Variants in RBMS1 observed in about 807,000 individuals in gnomAD.
The protein encoded by RBMS1 is RNA-binding motif, single-stranded-interacting protein 1.
RBMS1 carries 17 observed loss-of-function variants against 62.3 expected under a neutral mutation model. The ratio of observed to expected loss-of-function variants is 0.27; its 90% CI spans 0.19 to 0.41. The LOEUF is 0.41. Ranked by LOEUF, RBMS1 falls within the 10% of genes least tolerant of loss-of-function variation. RBMS1 has a pLI of 1.00. For missense variants in RBMS1, 334 were observed against 504.5 expected (o/e 0.66, Z 3.24); for synonymous variants, 172 against 170.0 (o/e 1.01, Z -0.09).
chr2:160,447,462 T>A (rs1438214410), intron 1 of RBMS1, among the ~76,000 whole-genome samples: 1 of 152,236 alleles, frequency 6.6e-6, no homozygotes, highest in Non-Finnish European at 1.5e-5. Context: ...TGCTTACTGA[T>A]ATTACTAGAA....
chr2:160,489,811 A>T (rs1685747923), intron 1 of RBMS1, among the ~76,000 whole-genome samples: 1 of 152,144 alleles, frequency 6.6e-6, no homozygotes. Flanking sequence ...TTATAGAAAT[A>T]TATTCTTAGA....
intron 1 of RBMS1, among the ~76,000 whole-genome samples, chr2:160,471,043 G>C (rs1202417486): frequency 2.0e-5 from 3 of 152,164 alleles, no homozygotes; most frequent in Non-Finnish European, 2.9e-5. Flanking sequence ...TGTGGGAAAA[G>C]TGGGACAGAA....
chr2:160,281,644 C>A, intron 9 of RBMS1: 1 of 300,588 alleles, frequency 3.3e-6, no homozygotes, highest in Non-Finnish European at 6.2e-6. Context: ...CTGGGCCCCA[C>A]CCTCAAGAAA....
chr2:160,422,582 G>A (rs894986212), intron 1 of RBMS1, among the ~76,000 whole-genome samples: 2 of 151,890 alleles, frequency 1.3e-5, no homozygotes, highest in African/African-American at 2.4e-5. Flanking sequence ...TCTAGTCTAT[G>A]AGGTCACCAT....
At chr2:160,313,109 C>A in intron 4 of RBMS1, 47 bp downstream of exon 4, 2 of 1,581,828 alleles carry the variant, frequency 1.3e-6, no homozygotes, top group Non-Finnish European at 8.7e-7. Context: ...TCGGGCTTCA[C>A]AACCAAAGCT....
chr2:160,389,645 C>T lies in RBMS1; in HGVS notation c.76-22254G>A, dbSNP rs188233851. Among the ~76,000 whole-genome samples, 852 of 128,158 alleles carry T rather than the reference C, an allele frequency of 6.6e-3. 12 individuals are homozygous for T. The highest frequency in any genetic ancestry group is 0.024 in the African/African-American group (816 of 33,746). The allele number at this position is 128,158 out of a possible 152,430, so 84.1% of individuals were successfully genotyped here. A position where few individuals can be genotyped will look rare whatever the true frequency, so the allele number is the denominator to read the frequency against. On this transcript the variant is annotated intron_variant, in intron 1 of 13. Coordinates refer to ENST00000348849, the MANE Select transcript of RBMS1 (RefSeq NM_016836.4). ...CCCAGGAGGTGGAGGTTGCAGTGAG[C>T]CAAGTTTGCACCACTGCATTCCAGC...
intron 7 of RBMS1, 108 bp downstream of exon 7, chr2:160,286,861 T>C: frequency 6.4e-7 from 1 of 1,557,628 alleles, no homozygotes. Context: ...TGGCACCTAT[T>C]TCAGAAGTGT....
intron 1 of RBMS1, among the ~76,000 whole-genome samples, chr2:160,423,776 T>C (rs1696527509): frequency 6.6e-6 from 1 of 152,186 alleles, no homozygotes; most frequent in Admixed American, 6.5e-5. Flanking sequence ...TCAAACTTCC[T>C]TGAGGTCCTG....
chr2:160,319,435 C>T (rs566896266), intron 2 of RBMS1, among the ~76,000 whole-genome samples: 11 of 152,208 alleles, frequency 7.2e-5, no homozygotes, highest in Non-Finnish European at 1.2e-4. Flanking sequence ...TCGCATGAAC[C>T]GGGGAGGCGG....
chr2:160,493,319 G>A lies in RBMS1; in HGVS notation c.45C>T (p.Thr15=), dbSNP rs1419819074. 1.2e-6 allele frequency: 2 copies of A among 1,613,402 alleles called. No individual in the cohort carries two copies. The highest frequency in any genetic ancestry group is 1.3e-5 in the African/African-American group (1 of 74,888). ...WKQQMYPQYA[T]YYYPQYLQAK... The stretch of plus-strand genomic sequence containing the variant: ...CTTGCAGATACTGGGGGTAATAGTA[G>A]GTGGCGTACTGAGGGTACATCTGCT... The change falls in exon 1 of 14, where the codon ACC becomes ACT. Residue 15 remains threonine, a synonymous_variant. Transcript: ENST00000348849.
intron 1 of RBMS1, among the ~76,000 whole-genome samples, chr2:160,404,423 G>A (rs1695589383): frequency 6.6e-6 from 1 of 152,084 alleles, no homozygotes; most frequent in African/African-American, 2.4e-5. Flanking sequence ...TTCTGCATCC[G>A]CCTACTGTGG....
chr2:160,461,829 T>C (rs541646104), intron 1 of RBMS1, among the ~76,000 whole-genome samples: 2 of 152,256 alleles, frequency 1.3e-5, no homozygotes, highest in South Asian at 4.1e-4. Context: ...GGAGAGAGAG[T>C]TTCGTTGCCC....
intron 2 of RBMS1, 176 bp downstream of exon 2, chr2:160,367,040 A>T: frequency 2.0e-6 from 1 of 503,974 alleles, no homozygotes; most frequent in Non-Finnish European, 3.3e-6. Context: ...TGATGATGTT[A>T]ATATTGACTC....
chr2:160,412,468 C>G (rs1246984154), intron 1 of RBMS1, among the ~76,000 whole-genome samples: 1 of 152,128 alleles, frequency 6.6e-6, no homozygotes, highest in Non-Finnish European at 1.5e-5. Flanking sequence ...AAATCTAGAC[C>G]TGGCTAGGGT....
intron 6 of RBMS1, 74 bp downstream of exon 6, chr2:160,300,577 A>C: frequency 6.8e-7 from 1 of 1,465,818 alleles, no homozygotes; most frequent in Non-Finnish European, 9.0e-7. Context: ...GTTCTATTGA[A>C]GAGTCATCAT....
intron 1 of RBMS1, among the ~76,000 whole-genome samples, chr2:160,428,878 G>A (rs1682766258): frequency 6.6e-6 from 1 of 152,102 alleles, no homozygotes; most frequent in African/African-American, 2.4e-5. Flanking sequence ...TTTGTATGGC[G>A]TAATGGTGAT....
chr2:160,460,972 G>A (rs1422932431), intron 1 of RBMS1, among the ~76,000 whole-genome samples: 1 of 152,218 alleles, frequency 6.6e-6, no homozygotes, highest in Non-Finnish European at 1.5e-5. Flanking sequence ...TAGAAAAGGT[G>A]TTCTTGCTGG....
chr2:160,331,244 T>C (rs1691252795), intron 2 of RBMS1, among the ~76,000 whole-genome samples: 1 of 152,194 alleles, frequency 6.6e-6, no homozygotes, highest in Non-Finnish European at 1.5e-5. Context: ...AGCTTGCCTG[T>C]ATATCGCTAT....
chr2:160,328,488 C>T (rs1460027286), intron 2 of RBMS1, among the ~76,000 whole-genome samples: 1 of 151,572 alleles, frequency 6.6e-6, no homozygotes, highest in Non-Finnish European at 1.5e-5. Flanking sequence ...ATGATTTTCC[C>T]CCAAAAAGTG....
Sources: gnomAD v4.1 joint callset for allele counts (sites outside exome capture counted in the v4.1 genomes callset) on GRCh38, gnomAD v4.1.1 for gene constraint, MANE v1.5 for transcripts, NCBI Gene and HGNC (gene_info 2026-07-23, HGNC 2026-07-21) for gene names.